The following UBE2G1 variants were observed in gnomAD, a reference collection of about 807,000 sequenced individuals.
The protein encoded by UBE2G1 is ubiquitin conjugating enzyme E2 G1, also known as ubiquitin-conjugating enzyme E2 G1.
Under a neutral mutation model 22.7 loss-of-function variants are expected in UBE2G1, and 5 were observed. The observed-to-expected ratio is 0.22, with a 90% confidence interval of 0.12 to 0.46. The LOEUF is 0.46. Ranked by LOEUF, UBE2G1 falls within the 20% of genes least tolerant of loss-of-function variation. The pLI, the probability that UBE2G1 is intolerant of heterozygous loss-of-function variation, is 0.99. For synonymous variants in UBE2G1, 74 were observed against 67.5 expected (o/e 1.10, Z -0.47); for missense variants, 88 against 203.9 (o/e 0.43, Z 3.46).
At chr17:4,361,916 T>C (rs1296640872) in intron 1 of UBE2G1, among the ~76,000 whole-genome samples, 2 of 132,446 alleles carry the variant, frequency 1.5e-5, no homozygotes, top group Non-Finnish European at 3.0e-5. Context: ...CATTCCAGCC[T>C]GGGCCACTGC....
At chr17:4,324,251 T>C (rs1424328432) in intron 1 of UBE2G1, among the ~76,000 whole-genome samples, 1 of 152,214 alleles carries the variant, frequency 6.6e-6, no homozygotes, top group African/African-American at 2.4e-5. Flanking sequence ...ACCTGCACTT[T>C]CTAATATAAT....
chr17:4,336,116 C>T (rs764774757), intron 1 of UBE2G1, among the ~76,000 whole-genome samples: 3 of 152,126 alleles, frequency 2.0e-5, no homozygotes, highest in Non-Finnish European at 4.4e-5. Context: ...CACTGCACTC[C>T]AGCCTGGGCG....
intron 1 of UBE2G1, among the ~76,000 whole-genome samples, chr17:4,318,743 C>T (rs1969404429): frequency 1.3e-5 from 2 of 152,166 alleles, no homozygotes; most frequent in African/African-American, 4.8e-5. Flanking sequence ...CTTTTACCTT[C>T]CCCACATTAT....
chr17:4,352,973 C>CT (rs1969861939), intron 1 of UBE2G1, among the ~76,000 whole-genome samples: 1 of 152,138 alleles, frequency 6.6e-6, no homozygotes, highest in Non-Finnish European at 1.5e-5. Context: ...AATCCCAGCA[C>CT]TTTAGGAGGG....
chr17:4,281,765 T>C (rs1391376177), intron 5 of UBE2G1, among the ~76,000 whole-genome samples: 1 of 152,184 alleles, frequency 6.6e-6, no homozygotes, highest in Non-Finnish European at 1.5e-5. Flanking sequence ...CAGCTCAATG[T>C]TGTATCCTTT....
intron 1 of UBE2G1, among the ~76,000 whole-genome samples, chr17:4,343,831 C>T (rs997549320): frequency 5.9e-5 from 9 of 152,140 alleles, no homozygotes; most frequent in African/African-American, 2.2e-4. Flanking sequence ...TCATGATCCG[C>T]CCGCCTCATT....
At chr17:4,299,329 G>A (rs754311134) in intron 2 of UBE2G1, among the ~76,000 whole-genome samples, 1 of 152,144 alleles carries the variant, frequency 6.6e-6, no homozygotes, top group Non-Finnish European at 1.5e-5. Context: ...AACCTGGGAG[G>A]TGGAGGGTGC....
intron 5 of UBE2G1, among the ~76,000 whole-genome samples, chr17:4,273,886 C>T (rs1031938115): frequency 6.6e-6 from 1 of 152,140 alleles, no homozygotes; most frequent in Admixed American, 6.6e-5. Context: ...ATTTTAAATT[C>T]CTCACAGAGA....
chr17:4,337,998 A>G (rs1459858000), intron 1 of UBE2G1, among the ~76,000 whole-genome samples: 2 of 152,088 alleles, frequency 1.3e-5, no homozygotes, highest in East Asian at 3.9e-4. Flanking sequence ...GTGAAAACCC[A>G]TCTCTACTAA....
chr17:4,349,617 G>A (rs1247682394), intron 1 of UBE2G1, among the ~76,000 whole-genome samples: 3 of 152,162 alleles, frequency 2.0e-5, no homozygotes, highest in Admixed American at 6.5e-5. Flanking sequence ...GCCGAGGTGG[G>A]CGGATCACGA....
chr17:4,302,438 T>C (rs1369971309), intron 2 of UBE2G1: 1 of 504,476 alleles, frequency 2.0e-6, no homozygotes, highest in East Asian at 5.5e-5. Flanking sequence ...GTGGCATCTG[T>C]AGTTCCTGAA....
intron 4 of UBE2G1, among the ~76,000 whole-genome samples, chr17:4,286,663 T>C (rs1968967391): frequency 6.6e-6 from 1 of 152,230 alleles, no homozygotes; most frequent in South Asian, 2.1e-4. Flanking sequence ...ATTTGGCTCT[T>C]TTTAGATTCA....
At chr17:4,343,117 C>G (rs372413195) in intron 1 of UBE2G1, among the ~76,000 whole-genome samples, 1 of 152,140 alleles carries the variant, frequency 6.6e-6, no homozygotes, top group East Asian at 1.9e-4. Flanking sequence ...ACCAGCAAAA[C>G]TTTCATGTCC....
intron 5 of UBE2G1, among the ~76,000 whole-genome samples, chr17:4,277,757 G>A (rs1409855066): frequency 1.3e-5 from 2 of 150,974 alleles, no homozygotes; most frequent in South Asian, 2.1e-4. Context: ...GTGAGTTTTC[G>A]TTCACGTCTA....
rs116291410 is a variant in UBE2G1 at position 4,348,069 on chromosome 17, G to A, written c.46+18202C>T. ...TCACTTTAAATCAAACGCTAGAAAC[G>A]ATTAAGATTAGTGGACACCTGGCCA... On this transcript the variant is annotated intron_variant, in intron 1 of 5. Coordinates refer to ENST00000396981, the MANE Select transcript of UBE2G1 (RefSeq NM_003342.5). Among the ~76,000 whole-genome samples the A allele has an allele frequency of 3.6e-3, 548 of 152,298 alleles. 4 individuals are homozygous for A. Among genetic ancestry groups the A allele is most frequent in the African/African-American group, 0.012 (519 of 41,568 alleles).
At chr17:4,313,172 T>C (rs572651347) in intron 1 of UBE2G1, among the ~76,000 whole-genome samples, 71 of 152,172 alleles carry the variant, frequency 4.7e-4, no homozygotes, top group Non-Finnish European at 7.8e-4. Flanking sequence ...AAAGAAAACA[T>C]AGAATAGTGT....
At chr17:4,356,960 C>T (rs1257565896) in intron 1 of UBE2G1, among the ~76,000 whole-genome samples, 1 of 152,076 alleles carries the variant, frequency 6.6e-6, no homozygotes, top group Non-Finnish European at 1.5e-5. Flanking sequence ...TTCCTGTAAC[C>T]TTTACCCAGT....
At chr17:4,350,333 C>G (rs1281412452) in intron 1 of UBE2G1, among the ~76,000 whole-genome samples, 1 of 152,002 alleles carries the variant, frequency 6.6e-6, no homozygotes, top group Non-Finnish European at 1.5e-5. Context: ...TGGTGGTGCG[C>G]CTGTAATCCC....
intron 1 of UBE2G1, among the ~76,000 whole-genome samples, chr17:4,326,256 C>T (rs969027735): frequency 2.0e-5 from 3 of 151,890 alleles, no homozygotes; most frequent in African/African-American, 7.3e-5. Flanking sequence ...ACAAGAAAAC[C>T]AATGCAAAAA....
Sources: gnomAD v4.1 joint callset for allele counts (sites outside exome capture counted in the v4.1 genomes callset) on GRCh38, gnomAD v4.1.1 for gene constraint, MANE v1.5 for transcripts, NCBI Gene and HGNC (gene_info 2026-07-23, HGNC 2026-07-21) for gene names.